BCAS3: variants seen among roughly 807,000 people sequenced by gnomAD.
BCAS3 encodes BCAS4/BCAS3 fusion.
BCAS3 carries 53 observed loss-of-function variants against 116.1 expected under a neutral mutation model. That is an observed-to-expected ratio of 0.46 (90% CI 0.37 to 0.57). The LOEUF (loss-of-function observed/expected upper bound fraction) is 0.57. BCAS3 is among the 20% of genes least tolerant of loss of function. The probability of loss-of-function intolerance (pLI) is 0.00; values close to 1 mark genes in which losing one functional copy is unlikely to be tolerated. For missense variants in BCAS3, 917 were observed against 1,165.4 expected, an observed-to-expected ratio of 0.79 and a Z score of 3.10; for synonymous variants, 391 against 408.2, an observed-to-expected ratio of 0.96 and a Z score of 0.51.
At chr17:61,113,874 A>C (rs1006415062) in intron 22 of BCAS3, among the ~76,000 whole-genome samples, 9 of 76,670 alleles carry the variant, frequency 1.2e-4, no homozygotes, top group African/African-American at 4.2e-4. Context: ...GCAGCACATC[A>C]AAAAGCTTAT....
intron 22 of BCAS3, among the ~76,000 whole-genome samples, chr17:61,115,251 A>G (rs987125403): frequency 2.6e-5 from 4 of 152,234 alleles, no homozygotes; most frequent in African/African-American, 9.6e-5. Flanking sequence ...GAATCTAATT[A>G]AACTAAAGAG....
chr17:61,311,214 A>G (rs1418373660), intron 22 of BCAS3, among the ~76,000 whole-genome samples: 1 of 152,110 alleles, frequency 6.6e-6, no homozygotes, highest in African/African-American at 2.4e-5. Context: ...ATATGTATAT[A>G]TTTTTCCTTT....
chr17:60,798,037 T>A (rs1172878412), intron 6 of BCAS3, among the ~76,000 whole-genome samples: 5 of 152,122 alleles, frequency 3.3e-5, no homozygotes, highest in African/African-American at 1.2e-4. Context: ...TGAGACCCTG[T>A]CTCAAACAAA....
intron 6 of BCAS3, among the ~76,000 whole-genome samples, chr17:60,766,408 A>G (rs1170962640): frequency 6.6e-6 from 1 of 151,980 alleles, no homozygotes; most frequent in Non-Finnish European, 1.5e-5. Context: ...TGTTGATGCT[A>G]TTTCTTTCTG....
chr17:61,159,611 G>A (rs189782596), intron 22 of BCAS3, among the ~76,000 whole-genome samples: 2 of 152,298 alleles, frequency 1.3e-5, no homozygotes. Flanking sequence ...ATTTGATTAA[G>A]GTTGGAATGA....
intron 13 of BCAS3, among the ~76,000 whole-genome samples, chr17:60,946,822 G>A (rs1026497458): frequency 6.6e-6 from 1 of 152,000 alleles, no homozygotes; most frequent in African/African-American, 2.4e-5. Flanking sequence ...GAGGCAGGAG[G>A]ATCTCTTGAG....
chr17:61,382,547 C>T (rs1009713935), intron 23 of BCAS3, among the ~76,000 whole-genome samples: 1 of 151,732 alleles, frequency 6.6e-6, no homozygotes, highest in African/African-American at 2.4e-5. Flanking sequence ...CAGGCGTGAG[C>T]CACCGCGCCT....
rs185162713 is a variant in BCAS3, at chr17:60,848,331, G to A, written c.477-20245G>A. Among the ~76,000 whole-genome samples, 14 of 152,220 alleles carry A rather than the reference G, an allele frequency of 9.2e-5. 1 individual carries two copies. The highest frequency in any genetic ancestry group is 5.9e-4 in the Admixed American group (9 of 15,282). Reference sequence around the variant, plus strand: ...TGGATTTCTCATTTCTGCAAAAAAGGCCACTGGAATTTCGAAAGATATTGT... The same window carrying A: ...TGGATTTCTCATTTCTGCAAAAAAGACCACTGGAATTTCGAAAGATATTGT... On this transcript the variant is annotated intron_variant, in intron 7 of 23. Coordinates refer to ENST00000407086, the MANE Select transcript of BCAS3 (RefSeq NM_017679.5).
At chr17:61,247,164 A>T (rs2048036367) in intron 22 of BCAS3, among the ~76,000 whole-genome samples, 1 of 152,214 alleles carries the variant, frequency 6.6e-6, no homozygotes, top group Non-Finnish European at 1.5e-5. Flanking sequence ...TACTCAATGT[A>T]AAGTTATTTA....
intron 23 of BCAS3, among the ~76,000 whole-genome samples, chr17:61,374,913 A>G (rs1000498450): frequency 1.3e-5 from 2 of 152,220 alleles, no homozygotes; most frequent in Non-Finnish European, 2.9e-5. Flanking sequence ...GTGAATGGCA[A>G]TCTGCGCTTT....
intron 1 of BCAS3, among the ~76,000 whole-genome samples, chr17:60,678,323 G>C (rs144763985): frequency 0.011 from 1,742 of 152,284 alleles, 18 homozygotes; most frequent in Non-Finnish European, 0.017. Context: ...TTTGGTTGTA[G>C]GAGGTGGGGC....
rs1477688616 is a variant in BCAS3 at position 61,214,359 on chromosome 17, C to A, written c.2425+129795C>A. 7.2e-6 allele frequency among the ~76,000 whole-genome samples: 1 copy of A among 138,948 alleles called. No individual in the cohort carries two copies. The highest frequency in any genetic ancestry group is 1.5e-5 in the Non-Finnish European group (1 of 65,618). 91.2% of individuals were successfully genotyped at this position (138,948 alleles called of 152,430 possible). ...TCCAGCCTCGGCCACAGAGCAAGAC[C>A]CTATCTCAAAAATAAATAAATAAAT... On this transcript the variant is annotated intron_variant, in intron 22 of 23. Coordinates refer to ENST00000407086, the MANE Select transcript of BCAS3 (RefSeq NM_017679.5). The surrounding 1 kb of genome is among the most constrained non-coding windows in gnomAD (Gnocchi z 4.4).
intron 22 of BCAS3, among the ~76,000 whole-genome samples, chr17:61,190,823 G>A (rs1198588052): frequency 2.6e-5 from 4 of 151,958 alleles, no homozygotes; most frequent in East Asian, 3.9e-4. Flanking sequence ...GGCTGGTCTC[G>A]AACTCCTGAC....
chr17:61,163,340 T>C (rs180898074), intron 22 of BCAS3, among the ~76,000 whole-genome samples: 1,553 of 150,762 alleles, frequency 0.01, 16 homozygotes, highest in South Asian at 0.026. Context: ...AGGAGAATGG[T>C]GTGAACCTGG....
At chr17:61,341,530 T>C (rs1452569975) in intron 22 of BCAS3, among the ~76,000 whole-genome samples, 1 of 152,216 alleles carries the variant, frequency 6.6e-6, no homozygotes, top group Non-Finnish European at 1.5e-5. Context: ...GCCGGAACAC[T>C]GGTGCAGTGG....
chr17:61,362,806 C>T lies in BCAS3; in HGVS notation c.2426-5521C>T, dbSNP rs931786101. 5 of 152,218 alleles carry T rather than the reference C, an allele frequency of 3.3e-5. No homozygotes were observed. The highest frequency in any genetic ancestry group is 1.2e-4 in the African/African-American group (5 of 41,456). 9.4% of individuals were successfully genotyped at this position (152,218 alleles called of 1,614,324 possible). ...TTTCCAATTTCCAGGATCTCCAAAT[C>T]TAAAATAAGTGCACAGAAGGCAGTA... is the stretch of plus-strand genomic sequence containing the variant. On this transcript the variant is annotated intron_variant, in intron 22 of 23. Transcript: ENST00000407086. The surrounding 1 kb of genome is among the most constrained non-coding windows in gnomAD (Gnocchi z 4.4).
intron 22 of BCAS3, among the ~76,000 whole-genome samples, chr17:61,133,524 C>T (rs776757742): frequency 2.0e-5 from 3 of 152,256 alleles, no homozygotes; most frequent in South Asian, 4.2e-4. Flanking sequence ...AGTAGAATTC[C>T]GTGCAAATTT....
At position 61,211,942 on chromosome 17, in the gene BCAS3, T is replaced by C. The variant is rs2081483691; in HGVS notation, c.2425+127378T>C. Among the ~76,000 whole-genome samples, 1 of 152,246 alleles carries C rather than the reference T, an allele frequency of 6.6e-6. No homozygotes were observed. Among genetic ancestry groups the C allele is most frequent in the African/African-American group, 2.4e-5 (1 of 41,466 alleles). On this transcript the variant is annotated intron_variant, in intron 22 of 23. Coordinates refer to ENST00000407086, the MANE Select transcript of BCAS3 (RefSeq NM_017679.5). This position sits in a 1 kb window ranked among gnomAD's most constrained non-coding sequence, Gnocchi z 4.4. The stretch of plus-strand genomic sequence containing the variant: ...TGTTGCAGTTTGCTGTGTGGGTGTT[T>C]CTACAATGTGGGAAACTTGTTTCAT...
At chr17:60,948,711 A>G (rs990937443) in intron 14 of BCAS3, among the ~76,000 whole-genome samples, 11 of 152,178 alleles carry the variant, frequency 7.2e-5, no homozygotes, top group African/African-American at 2.4e-4. Flanking sequence ...AGTTTATAAG[A>G]ATATGTTTGA....
Sources: gnomAD v4.1 joint callset for allele counts (sites outside exome capture counted in the v4.1 genomes callset) on GRCh38, gnomAD v4.1.1 for gene constraint, Gnocchi (gnomAD v3.1) non-coding constraint, MANE v1.5 for transcripts, NCBI Gene and HGNC (gene_info 2026-07-23, HGNC 2026-07-21) for gene names.